Variants in CDK11B observed in about 807,000 individuals in gnomAD.
CDK11B encodes the protein cyclin-dependent kinase 11B.
A neutral mutation model predicts 84.0 loss-of-function variants in CDK11B; 37 were observed. That is an observed-to-expected ratio of 0.44 (90% CI 0.34 to 0.58). The LOEUF (loss-of-function observed/expected upper bound fraction) is 0.58, where lower values mean the gene tolerates loss of function less well. Ranked by LOEUF, CDK11B falls within the 20% of genes least tolerant of loss-of-function variation. The pLI, the probability that CDK11B is intolerant of heterozygous loss-of-function variation, is 0.02. For synonymous variants in CDK11B, 269 were observed against 309.8 expected, an observed-to-expected ratio of 0.87 and a Z score of 1.38; for missense variants, 427 against 834.0, an observed-to-expected ratio of 0.51 and a Z score of 6.01.
Position 1,649,586 on chromosome 1 carries a change from C to A in CDK11B, c.407G>T (p.Arg136Leu). Reference protein sequence around the residue: ...EKEREHERRKRHREEQDKARR... With the variant: ...EKEREHERRKLHREEQDKARR... ...AGCTTTATCCTGTTCTTCTCGATGC[C>A]GTTTCCGACGTTCGTGCTCTCTTTC... The change falls in exon 5 of 20, where the codon CGG (arginine) becomes CTG (leucine). Residue 136 changes from arginine to leucine, a missense_variant. This residue lies in a region of CDK11B where 71 missense variants were observed against 66.2 expected (regional missense o/e 1.07). Transcript: ENST00000341832. The A allele has an allele frequency of 6.2e-7, 1 of 1,607,086 alleles. No individual in the cohort carries two copies. The highest frequency in any genetic ancestry group is 2.2e-5 in the East Asian group (1 of 44,868).
intron 3 of CDK11B, among the ~76,000 whole-genome samples, chr1:1,653,892 C>CCAG: frequency 6.6e-6 from 1 of 150,902 alleles, no homozygotes; most frequent in East Asian, 2.0e-4. Flanking sequence ...GCCTGTAATC[C>CCAG]CAGCTACTCA....
chr1:1,636,724 G>C lies in CDK11B; in HGVS notation c.1875C>G (p.Phe625Leu). The change falls in exon 17 of 20, where the codon TTC (phenylalanine) becomes TTG (leucine). Residue 625 changes from phenylalanine to leucine, a missense_variant. This residue lies in a region of CDK11B where 170 missense variants were observed against 196.0 expected (regional missense o/e 0.87). Coordinates refer to ENST00000341832, the MANE Select transcript of CDK11B (RefSeq NM_033486.3). The stretch of plus-strand genomic sequence containing the variant: ...TCTGATCGATTTCTGACTTCCCGGG[G>C]AACAGAGGCTTCTGAGTCAGCAGCT... Reference protein sequence around the residue: ...FGELLTQKPLFPGKSEIDQIN... With the variant: ...FGELLTQKPLLPGKSEIDQIN... 2 of 1,613,968 alleles carry C rather than the reference G, an allele frequency of 1.2e-6. No homozygotes were observed. The highest frequency in any genetic ancestry group is 8.5e-7 in the Non-Finnish European group (1 of 1,179,868).
chr1:1,656,622 T>C (rs1642789107), intron 2 of CDK11B, among the ~76,000 whole-genome samples: 1 of 152,132 alleles, frequency 6.6e-6, no homozygotes. Flanking sequence ...ACCCCATCTC[T>C]ACTAAAAAAT....
At chr1:1,653,685 A>T (rs1642311575) in intron 3 of CDK11B, among the ~76,000 whole-genome samples, 1 of 152,000 alleles carries the variant, frequency 6.6e-6, no homozygotes, top group Non-Finnish European at 1.5e-5. Context: ...AAATCTGTTA[A>T]AAGATCCTAC....
chr1:1,652,490 CT>C lies in CDK11B; in HGVS notation c.303del (p.Asp102MetfsTer23). On this transcript the variant is annotated frameshift_variant, in exon 4 of 20. Coordinates refer to ENST00000341832, the MANE Select transcript of CDK11B (RefSeq NM_033486.3). LOFTEE classifies it high-confidence loss of function. ...CTACGTTTCTCTTTTCTCTTTTCAT[CT>C]TTTCTGTGATGAGCTTTTTCTTTCC... ...MSRKEKAHHR[K>X]DEKRKEKRRH... 1 of 1,514,174 alleles carries C rather than the reference CT, an allele frequency of 6.6e-7. No homozygotes were observed. Among genetic ancestry groups the C allele is most frequent in the Admixed American group, 2.6e-5 (1 of 38,996 alleles). 93.8% of individuals were successfully genotyped at this position (1,514,174 alleles called of 1,614,324 possible).
intron 4 of CDK11B, among the ~76,000 whole-genome samples, chr1:1,651,849 AGTTTGCTCTG>A (rs1642056414): frequency 7.2e-6 from 1 of 139,164 alleles, no homozygotes; most frequent in African/African-American, 2.7e-5. Context: ...TTTTAGCTAG[AGTTTGCTCTG>A]TATAGCCCTT....
intron 2 of CDK11B, 154 bp downstream of exon 2, chr1:1,657,221 T>C (rs1298332143): frequency 4.3e-6 from 7 of 1,613,836 alleles, no homozygotes; most frequent in Non-Finnish European, 8.5e-7. Flanking sequence ...TATTTGAATG[T>C]TTTTGTTAAT....
intron 5 of CDK11B, among the ~76,000 whole-genome samples, chr1:1,647,174 G>T (rs1310898161): frequency 6.6e-6 from 1 of 152,244 alleles, no homozygotes; most frequent in African/African-American, 2.4e-5. Context: ...CTGTTCTTCA[G>T]AATGGATAAT....
intron 14 of CDK11B, 52 bp from the exon 15 acceptor site, chr1:1,637,254 A>C: frequency 5.0e-6 from 8 of 1,604,036 alleles, no homozygotes; most frequent in South Asian, 1.1e-5. Flanking sequence ...AGCCCAGGGC[A>C]CTCAGGGTGG....
chr1:1,636,915 C>T lies in CDK11B; in HGVS notation c.1782G>A (p.Glu594=), dbSNP rs1639405044. The T allele has an allele frequency of 1.2e-6, 2 of 1,606,072 alleles. No homozygotes were observed. The highest frequency in any genetic ancestry group is 8.5e-7 in the Non-Finnish European group (1 of 1,174,916). The change falls in exon 16 of 20, where the codon GAG becomes GAA. Residue 594 remains glutamate, a synonymous_variant. Coordinates refer to ENST00000341832, the MANE Select transcript of CDK11B (RefSeq NM_033486.3). ...GACTCACCTTGGCACCAAGCAGCAG[C>T]TCTGGGGCGCGGTACCACAGGGTCA... ...VVVTLWYRAP[E]LLLGAKEYST... is the part of the protein sequence containing the mutation.
At chr1:1,636,624 C>T in intron 17 of CDK11B, 58 bp downstream of exon 17, 1 of 1,610,032 alleles carries the variant, frequency 6.2e-7, no homozygotes, top group Non-Finnish European at 8.5e-7. Context: ...GCCCCGCAGC[C>T]CCATTCCTGC....
chr1:1,649,532 C>G lies in CDK11B; in HGVS notation c.461G>C (p.Arg154Thr). 1 of 1,600,916 alleles carries G rather than the reference C, an allele frequency of 6.2e-7. No homozygotes were observed. Among genetic ancestry groups the G allele is most frequent in the South Asian group, 1.1e-5 (1 of 90,798 alleles). ...ARREWERQKRREMAREHSRRE... is the reference protein window; with the variant it reads ...ARREWERQKRTEMAREHSRRE... ...CCTGGAATGCTCCCTTGCCATCTCC[C>G]TTCTCTTCTGTCTTTCCCATTCCCG... is the stretch of plus-strand genomic sequence containing the variant. The change falls in exon 5 of 20, where the codon AGG (arginine) becomes ACG (threonine). Residue 154 changes from arginine (R) to threonine (T), a missense_variant. Physicochemically the swap from Arg to Thr is moderately conservative, Grantham distance 71. This residue lies in a region of CDK11B where 71 missense variants were observed against 66.2 expected (regional missense o/e 1.07). Transcript: ENST00000341832.
chr1:1,652,596 T>A (rs1294224852), intron 3 of CDK11B, 30 bp from the exon 4 acceptor site: 12 of 1,365,308 alleles, frequency 8.8e-6, no homozygotes, highest in Non-Finnish European at 1.0e-5. Context: ...CACTGCATCA[T>A]GCTTGAGAAA....
intron 14 of CDK11B, 80 bp downstream of exon 14, chr1:1,637,328 C>T (rs1639506131): frequency 6.4e-7 from 1 of 1,571,348 alleles, no homozygotes; most frequent in Non-Finnish European, 8.6e-7. Context: ...GCTGGCCCTC[C>T]CTGCAGCACT....
At chr1:1,649,392 C>G in intron 5 of CDK11B, 107 bp downstream of exon 5, 1 of 852,560 alleles carries the variant, frequency 1.2e-6, no homozygotes, top group Non-Finnish European at 1.9e-6. Context: ...TGAGCCACCA[C>G]ACCTGGCTCA....
intron 2 of CDK11B, 45 bp from the exon 3 acceptor site, chr1:1,655,529 T>G (rs1413781554): frequency 6.6e-7 from 1 of 1,523,180 alleles, no homozygotes. Context: ...ATAAGTTTTT[T>G]TTTCTTCATA....
At chr1:1,654,379 G>A (rs1281220444) in intron 3 of CDK11B, among the ~76,000 whole-genome samples, 1 of 152,128 alleles carries the variant, frequency 6.6e-6, no homozygotes, top group Non-Finnish European at 1.5e-5. Context: ...GCTAGGCCCT[G>A]AAAACCCTGA....
In CDK11B at chr1:1,639,320, A is replaced by G. The variant is rs188066585; in HGVS notation, c.1252-730T>C. 7.3e-3 allele frequency among the ~76,000 whole-genome samples: 1,114 copies of G among 151,856 alleles called. 25 individuals carry two copies. Among genetic ancestry groups the G allele is most frequent in the African/African-American group, 0.026 (1,062 of 41,384 alleles). ...TAGTTCCAGCTACTCAGGAGGCTGA[A>G]ATGGGAGGATTGTTTGAGCCTGGGA... On this transcript the variant is annotated intron_variant, in intron 11 of 19. Coordinates refer to ENST00000341832, the MANE Select transcript of CDK11B (RefSeq NM_033486.3).
chr1:1,652,439 C>A lies in CDK11B; in HGVS notation c.355G>T (p.Gly119Trp), dbSNP rs1301675317. ...TCAAAGAAAGTAAATGCTTCTGTAC[C>A]CCCTTCTGCTGAATGGCTACGATGC... ...RRHRSHSAEG[G>W]KHARVKEKER... The change falls in exon 4 of 20, where the codon GGG (glycine) becomes TGG (tryptophan). Residue 119 changes from glycine to tryptophan, a missense_variant and splice_region_variant. By Grantham distance (184) the Gly-to-Trp change is radical. Around this residue, in one of 12 missense-constraint regions of CDK11B, gnomAD observed 71 missense variants for 66.2 expected, o/e 1.07. Coordinates refer to ENST00000341832, the MANE Select transcript of CDK11B (RefSeq NM_033486.3). 1.3e-6 allele frequency: 2 copies of A among 1,495,174 alleles called. No individual in the cohort carries two copies. Among genetic ancestry groups the A allele is most frequent in the Non-Finnish European group, 8.8e-7 (1 of 1,131,288 alleles). The allele number at this position is 1,495,174 out of a possible 1,614,324, so 92.6% of individuals were successfully genotyped here. A position where few individuals can be genotyped will look rare whatever the true frequency, so the allele number is the denominator to read the frequency against.
Sources: allele counts gnomAD v4.1 joint callset (sites outside exome capture counted in the v4.1 genomes callset), GRCh38; gene constraint gnomAD v4.1.1; regional missense constraint gnomAD v4.1.1; transcripts MANE v1.5; gene names NCBI Gene and HGNC (gene_info 2026-07-23, HGNC 2026-07-21).